The following PRPF19 variants were observed in gnomAD, a reference collection of about 807,000 sequenced individuals.
PRPF19 encodes pre-mRNA-processing factor 19.
PRPF19 carries 2 observed loss-of-function variants against 64.2 expected under a neutral mutation model. That is an observed-to-expected ratio of 0.03 (90% confidence interval 0.01 to 0.10). The LOEUF is 0.10. Ranked by LOEUF, PRPF19 falls within the 10% of genes least tolerant of loss-of-function variation. The pLI is 1.00. For synonymous variants in PRPF19, 226 were observed against 251.6 expected, an observed-to-expected ratio of 0.90 and a Z score of 0.96; for missense variants, 314 against 650.0, an observed-to-expected ratio of 0.48 and a Z score of 5.62.
chr11:60,904,547 G>A (rs1856021350), intron 1 of PRPF19, among the ~76,000 whole-genome samples: 1 of 152,126 alleles, frequency 6.6e-6, no homozygotes, highest in Non-Finnish European at 1.5e-5. Flanking sequence ...CTGTAAATCA[G>A]GGTTCCCATG....
In PRPF19 at chr11:60,900,683, C is replaced by A; in HGVS notation, c.727G>T (p.Asp243Tyr). 6.4e-7 allele frequency: 1 copy of A among 1,559,108 alleles called. No individual in the cohort carries two copies. The highest frequency in any genetic ancestry group is 8.7e-7 in the Non-Finnish European group (1 of 1,150,244). Residue 243 changes from aspartate to tyrosine, a missense_variant, in exon 10 of 16, where the codon GAT (aspartate) becomes TAT (tyrosine). By Grantham distance (160) the Asp-to-Tyr change is radical. Transcript: ENST00000227524. ...TTGTCAAACACAACGACATTTTTAT[C>A]CGCCCCACCTGGAGAAGACCCAAAA... ...DTNKILTGGA[D>Y]KNVVVFDKSS...
chr11:60,896,898 G>A (rs1006111213), intron 15 of PRPF19, among the ~76,000 whole-genome samples: 1 of 152,158 alleles, frequency 6.6e-6, no homozygotes, highest in African/African-American at 2.4e-5. Flanking sequence ...TTGTACAGCT[G>A]TACAATGTGT....
intron 1 of PRPF19, 63 bp downstream of exon 1, chr11:60,906,301 C>A: frequency 1.3e-6 from 2 of 1,546,514 alleles, no homozygotes; most frequent in Non-Finnish European, 1.7e-6. Context: ...CAGCGGACCG[C>A]ACACGCTCCC....
chr11:60,894,371 G>A (rs948021701), intron 15 of PRPF19, among the ~76,000 whole-genome samples: 2 of 152,082 alleles, frequency 1.3e-5, no homozygotes, highest in Admixed American at 1.3e-4. Flanking sequence ...CAATGTTCAC[G>A]GCATCTTCAC....
intron 15 of PRPF19, among the ~76,000 whole-genome samples, chr11:60,893,390 G>A (rs1489945510): frequency 2.6e-5 from 4 of 151,910 alleles, no homozygotes; most frequent in Non-Finnish European, 5.9e-5. Flanking sequence ...TGAAGTCCCA[G>A]CTACTCGGGA....
rs1485843114 is a variant in PRPF19 at position 60,902,155 on chromosome 11, G to A, written c.525+248C>T. Among the ~76,000 whole-genome samples the A allele has an allele frequency of 6.6e-6, 1 of 152,144 alleles. No individual in the cohort carries two copies. The highest frequency in any genetic ancestry group is 6.5e-5 in the Admixed American group (1 of 15,274). On this transcript the variant is annotated intron_variant, in intron 6 of 15. Transcript: ENST00000227524. This position sits in a 1 kb window ranked among gnomAD's most constrained non-coding sequence, Gnocchi z 5.0. ...AATTCCCACAGCCTGCCTATACAGT[G>A]GATATGATCATATTCTCAGTTTAGA...
Position 60,903,553 on chromosome 11 carries a change from A to T in PRPF19, c.170-18T>A, listed in dbSNP as rs1354010552. 1 of 1,613,340 alleles carries T rather than the reference A, an allele frequency of 6.2e-7. No individual in the cohort carries two copies. The highest frequency in any genetic ancestry group is 8.5e-7 in the Non-Finnish European group (1 of 1,179,582). ...GTGAGCAACTGCCGAAAGGGAAAGC[A>T]GGTATGAAGAACATAACCCAGGGGC... On this transcript the variant is annotated intron_variant, in intron 2 of 15. Coordinates refer to ENST00000227524, the MANE Select transcript of PRPF19 (RefSeq NM_014502.5).
Position 60,890,813 on chromosome 11 carries a change from C to T in PRPF19, c.*353G>A, listed in dbSNP as rs543500616. On this transcript the variant is annotated 3_prime_UTR_variant, in exon 16 of 16. Transcript: ENST00000227524. Reference sequence around the variant, plus strand: ...CTCCTGCCCATCCCCTTCACAGTTCCCTTGGCTCAGCCTCTCCTGTCTCAC... The same window carrying T: ...CTCCTGCCCATCCCCTTCACAGTTCTCTTGGCTCAGCCTCTCCTGTCTCAC... 1.7e-4 allele frequency: 80 copies of T among 477,610 alleles called. No homozygotes were observed. The highest frequency in any genetic ancestry group is 1.2e-3 in the South Asian group (78 of 64,770). 29.6% of individuals were successfully genotyped at this position (477,610 alleles called of 1,614,324 possible). A position where few individuals can be genotyped will look rare whatever the true frequency, so the allele number is the denominator to read the frequency against.
In PRPF19 at chr11:60,898,906, G is replaced by T; in HGVS notation, c.1010C>A (p.Thr337Lys). The change falls in exon 12 of 16, where the codon ACA becomes AAA. Residue 337 changes from threonine to lysine, a missense_variant. By Grantham distance (78) the Thr-to-Lys change is moderately conservative. This residue lies in a region of PRPF19 where 175 missense variants were observed against 342.9 expected (regional missense o/e 0.51). Transcript: ENST00000227524. The surrounding 1 kb of genome is among the most constrained non-coding windows in gnomAD (Gnocchi z 4.6). ...TGTCACCTTGGTGAGCACACGCCCTGTCTGGATGTCAGAGAAAGCCCAGTA... is the reference window on the plus strand; with the variant it reads ...TGTCACCTTGGTGAGCACACGCCCTTTCTGGATGTCAGAGAAAGCCCAGTA... The part of the protein sequence containing the change: ...DQYWAFSDIQ[T>K]GRVLTKVTDE... 2 of 1,603,716 alleles carry T rather than the reference G, an allele frequency of 1.2e-6. No homozygotes were observed. The highest frequency in any genetic ancestry group is 1.7e-6 in the Non-Finnish European group (2 of 1,174,880).
At chr11:60,891,350 C>T in intron 15 of PRPF19, 87 bp from the exon 16 acceptor site, 1 of 1,008,774 alleles carries the variant, frequency 9.9e-7, no homozygotes. Flanking sequence ...TCCCAAACAA[C>T]CAGGCCTTCT....
rs1451367735 is a variant in PRPF19, at chr11:60,906,538, G to A, written c.-156C>T. On this transcript the variant is annotated 5_prime_UTR_variant, in exon 1 of 16. Coordinates refer to ENST00000227524, the MANE Select transcript of PRPF19 (RefSeq NM_014502.5). ...CGATGCTAGCGTAGCGCTTCACGTG[G>A]GAATGGGGACAGCCGCGCGCCACAG... 6.6e-6 allele frequency: 5 copies of A among 759,034 alleles called. No individual in the cohort carries two copies. In the East Asian group the frequency reaches 9.1e-5, roughly 14 times the overall value. 47.0% of individuals were successfully genotyped at this position (759,034 alleles called of 1,614,324 possible).
intron 1 of PRPF19, chr11:60,905,469 G>A (rs899281810): frequency 6.6e-6 from 1 of 152,250 alleles, no homozygotes; most frequent in African/African-American, 2.4e-5. Context: ...AGAGAAGGAA[G>A]TGAATAGCAA....
At position 60,890,750 on chromosome 11, in the gene PRPF19, T is replaced by C. The variant is rs1371612628; in HGVS notation, c.*416A>G. The C allele has an allele frequency of 1.3e-5, 6 of 457,408 alleles. No individual in the cohort carries two copies. The highest frequency in any genetic ancestry group is 2.0e-5 in the African/African-American group (1 of 50,062). The allele number at this position is 457,408 out of a possible 1,614,324, so 28.3% of individuals were successfully genotyped here. A position where few individuals can be genotyped will look rare whatever the true frequency, so the allele number is the denominator to read the frequency against. ...TATGGTTATTGTTTTCTTTTTTTAA[T>C]GAAACTAGATCACTGCTTACAAAAC... is the stretch of plus-strand genomic sequence containing the variant. On this transcript the variant is annotated 3_prime_UTR_variant, in exon 16 of 16. Transcript: ENST00000227524.
chr11:60,901,595 A>G, intron 6 of PRPF19, 55 bp from the exon 7 acceptor site: 1 of 1,600,588 alleles, frequency 6.2e-7, no homozygotes, highest in Non-Finnish European at 8.6e-7. Context: ...AGAAAAGTAC[A>G]TTAGATGCTG....
At chr11:60,897,635 C>A in intron 15 of PRPF19, 1 of 471,602 alleles carries the variant, frequency 2.1e-6, no homozygotes, top group Non-Finnish European at 3.8e-6. Flanking sequence ...TGCCCAATGC[C>A]ACAGGGCATG....
chr11:60,892,385 A>G (rs1461413926), intron 15 of PRPF19, among the ~76,000 whole-genome samples: 1 of 152,230 alleles, frequency 6.6e-6, no homozygotes, highest in Non-Finnish European at 1.5e-5. Context: ...CTAAGACCCA[A>G]TGCTGAGTGA....
At chr11:60,903,395 G>T in intron 3 of PRPF19, 64 bp downstream of exon 3, 1 of 1,498,956 alleles carries the variant, frequency 6.7e-7, no homozygotes, top group Non-Finnish European at 9.2e-7. Flanking sequence ...CTACCCCCAA[G>T]TCCTAACCCA....
chr11:60,891,994 T>C (rs181757483), intron 15 of PRPF19, among the ~76,000 whole-genome samples: 4 of 152,236 alleles, frequency 2.6e-5, no homozygotes, highest in African/African-American at 9.6e-5. Flanking sequence ...GGACGAGAAT[T>C]TCATCAACAC....
Position 60,890,664 on chromosome 11 carries a change from C to T in PRPF19, c.*502G>A. The T allele has an allele frequency of 2.2e-6, 1 of 444,716 alleles. No homozygotes were observed. The highest frequency in any genetic ancestry group is 4.5e-6 in the Non-Finnish European group (1 of 220,334). The allele number at this position is 444,716 out of a possible 1,614,324, so 27.5% of individuals were successfully genotyped here. A position where few individuals can be genotyped will look rare whatever the true frequency, so the allele number is the denominator to read the frequency against. On this transcript the variant is annotated 3_prime_UTR_variant, in exon 16 of 16. Coordinates refer to ENST00000227524, the MANE Select transcript of PRPF19 (RefSeq NM_014502.5). ...GGAAGCCAGTGTCCCAGTGTGTGCT[C>T]CCTCCCCTTGACCTTCCCAGTCCCA...
Sources: allele counts gnomAD v4.1 joint callset (sites outside exome capture counted in the v4.1 genomes callset), GRCh38; gene constraint gnomAD v4.1.1; regional missense constraint gnomAD v4.1.1; non-coding constraint Gnocchi (gnomAD v3.1); transcripts MANE v1.5; gene names NCBI Gene and HGNC (gene_info 2026-07-23, HGNC 2026-07-21).